The following RIMS2 variants were observed in gnomAD, a reference collection of about 807,000 sequenced individuals.
RIMS2 encodes regulating synaptic membrane exocytosis protein 2.
RIMS2 carries 59 observed loss-of-function variants against 174.4 expected under a neutral mutation model. That is an observed-to-expected ratio of 0.34 (90% CI 0.27 to 0.42). The LOEUF is 0.42. Ranked by LOEUF, RIMS2 falls within the 10% of genes least tolerant of loss-of-function variation. RIMS2 has a pLI of 1.00. For synonymous variants in RIMS2, 606 were observed against 572.5 expected (o/e 1.06, Z -0.84); for missense variants, 1,620 against 1,666.3 (o/e 0.97, Z 0.48).
At chr8:103,626,026 A>G in intron 1 of RIMS2, among the ~76,000 whole-genome samples, 1 of 152,058 alleles carries the variant, frequency 6.6e-6, no homozygotes, top group East Asian at 1.9e-4. Context: ...AAGACCTAAC[A>G]CAATACCTGT....
intron 1 of RIMS2, among the ~76,000 whole-genome samples, chr8:103,568,401 G>T (rs1272396227): frequency 6.6e-6 from 1 of 152,192 alleles, no homozygotes; most frequent in Admixed American, 6.5e-5. Flanking sequence ...GAAAATTGGA[G>T]ATTATTAAAA....
chr8:103,780,898 T>C (rs998040176), intron 3 of RIMS2, among the ~76,000 whole-genome samples: 1 of 152,212 alleles, frequency 6.6e-6, no homozygotes, highest in Non-Finnish European at 1.5e-5. Flanking sequence ...AGAGATTCTT[T>C]TTAGTTTACC....
At chr8:103,896,080 T>C (rs2099275967) in intron 4 of RIMS2, among the ~76,000 whole-genome samples, 2 of 151,666 alleles carry the variant, frequency 1.3e-5, no homozygotes, top group South Asian at 2.1e-4. Context: ...TAGCCTGATA[T>C]ATGTGGAGAG....
intron 13 of RIMS2, among the ~76,000 whole-genome samples, chr8:103,939,837 A>G (rs2154537290): frequency 6.6e-6 from 1 of 152,326 alleles, no homozygotes; most frequent in East Asian, 1.9e-4. Flanking sequence ...GGGCAGGGGT[A>G]AAGTGCCACC....
intron 1 of RIMS2, among the ~76,000 whole-genome samples, chr8:103,623,029 A>T (rs765923765): frequency 6.4e-4 from 98 of 152,322 alleles, no homozygotes; most frequent in African/African-American, 2.3e-3. Context: ...AAAGACACTA[A>T]CTGTCTCTGT....
intron 3 of RIMS2, among the ~76,000 whole-genome samples, chr8:103,795,689 TTC>T (rs2098544988): frequency 6.6e-6 from 1 of 152,114 alleles, no homozygotes; most frequent in Non-Finnish European, 1.5e-5. Flanking sequence ...AGATACACAA[TTC>T]TCTGATTTTT....
chr8:103,530,778 A>G (rs2130884280), intron 1 of RIMS2, among the ~76,000 whole-genome samples: 1 of 152,088 alleles, frequency 6.6e-6, no homozygotes, highest in South Asian at 2.1e-4. Flanking sequence ...ATTTTACAGA[A>G]CTGTAAGTAA....
At chr8:103,828,906 A>T (rs901110056) in intron 3 of RIMS2, among the ~76,000 whole-genome samples, 3 of 151,870 alleles carry the variant, frequency 2.0e-5, no homozygotes, top group African/African-American at 7.3e-5. Context: ...GGGTTCTGTA[A>T]TCTGTTCTGT....
chr8:104,155,980 C>T (rs903124402), intron 19 of RIMS2, among the ~76,000 whole-genome samples: 7 of 152,186 alleles, frequency 4.6e-5, no homozygotes, highest in Non-Finnish European at 7.3e-5. Flanking sequence ...TAGGTTTATA[C>T]TTTACATGGC....
intron 19 of RIMS2, among the ~76,000 whole-genome samples, chr8:104,102,018 T>C (rs1043612019): frequency 6.6e-5 from 10 of 151,754 alleles, no homozygotes; most frequent in African/African-American, 2.2e-4. Flanking sequence ...TTTTCTTCAC[T>C]ATCTACACGT....
intron 4 of RIMS2, among the ~76,000 whole-genome samples, chr8:103,904,066 G>A (rs1347756200): frequency 6.6e-6 from 1 of 152,008 alleles, no homozygotes; most frequent in East Asian, 1.9e-4. Context: ...CACAAAGATT[G>A]TTCTTACGCT....
chr8:104,123,585 GTTAT>G (rs973484186), intron 19 of RIMS2, among the ~76,000 whole-genome samples: 9 of 151,056 alleles, frequency 6.0e-5, no homozygotes, highest in Admixed American at 2.0e-4. Flanking sequence ...AGATTTTTCT[GTTAT>G]TTCTTAAATA....
At chr8:104,236,391 C>T (rs1331249406) in intron 19 of RIMS2, among the ~76,000 whole-genome samples, 1 of 151,964 alleles carries the variant, frequency 6.6e-6, no homozygotes, top group East Asian at 1.9e-4. Flanking sequence ...CCAGTGCTGA[C>T]CCTTGCCTGA....
rs956388917 is a variant in RIMS2, at chr8:103,756,390, G to T, written c.388-9837G>T. Among the ~76,000 whole-genome samples the T allele has an allele frequency of 5.4e-3, 612 of 112,404 alleles. 5 individuals are homozygous for T. The highest frequency in any genetic ancestry group is 0.021 in the African/African-American group (546 of 25,660). 73.7% of individuals were successfully genotyped at this position (112,404 alleles called of 152,430 possible). A position where few individuals can be genotyped will look rare whatever the true frequency, so the allele number is the denominator to read the frequency against. ...GTTTTTTGTTGTTGTTGTTGTTTTTGTTTTTTTTTTTTTGCAGGACTCTTG... is the reference window on the plus strand; with the variant it reads ...GTTTTTTGTTGTTGTTGTTGTTTTTTTTTTTTTTTTTTTGCAGGACTCTTG... On this transcript the variant is annotated intron_variant, in intron 2 of 23. Coordinates refer to ENST00000504942, the Ensembl canonical transcript of RIMS2.
intron 1 of RIMS2, among the ~76,000 whole-genome samples, chr8:103,508,311 A>G (rs1402654965): frequency 6.6e-6 from 1 of 152,110 alleles, no homozygotes; most frequent in Non-Finnish European, 1.5e-5. Flanking sequence ...GATATATTTT[A>G]CAAGAGGAGC....
At chr8:103,965,254 C>A (rs2091496818) in intron 15 of RIMS2, among the ~76,000 whole-genome samples, 4 of 152,126 alleles carry the variant, frequency 2.6e-5, no homozygotes, top group Admixed American at 2.0e-4. Context: ...GAAGATTGGA[C>A]ATCTTGACAA....
chr8:103,586,866 A>G (rs761364224), intron 1 of RIMS2, among the ~76,000 whole-genome samples: 1 of 152,076 alleles, frequency 6.6e-6, no homozygotes, highest in Non-Finnish European at 1.5e-5. Context: ...AAAACCCAGA[A>G]GATCCAAATA....
intron 2 of RIMS2, among the ~76,000 whole-genome samples, chr8:103,745,832 T>G (rs2139510027): frequency 6.6e-6 from 1 of 152,314 alleles, no homozygotes; most frequent in East Asian, 1.9e-4. Flanking sequence ...TAAGAGTTCT[T>G]TATATATTTT....
chr8:103,803,328 T>G (rs2098628267), intron 3 of RIMS2, among the ~76,000 whole-genome samples: 3 of 152,188 alleles, frequency 2.0e-5, no homozygotes, highest in Admixed American at 2.0e-4. Flanking sequence ...GTGTCAAATG[T>G]AAGACGTAAC....
Sources: allele counts gnomAD v4.1 joint callset (sites outside exome capture counted in the v4.1 genomes callset), GRCh38; gene constraint gnomAD v4.1.1; transcripts MANE v1.5; gene names NCBI Gene and HGNC (gene_info 2026-07-23, HGNC 2026-07-21).